The following ESRP1 variants were observed in gnomAD, a reference collection of about 807,000 sequenced individuals.
ESRP1 encodes epithelial splicing regulatory protein 1.
In ESRP1, 33 loss-of-function variants were observed where a neutral mutation model predicts 81.7. The observed-to-expected ratio is 0.40, with a 90% CI of 0.31 to 0.54. ESRP1 has a LOEUF of 0.54. Ranked by LOEUF, ESRP1 falls within the 20% of genes least tolerant of loss-of-function variation. The probability of loss-of-function intolerance (pLI) is 0.41; values close to 1 mark genes in which losing one functional copy is unlikely to be tolerated. For missense variants in ESRP1, 672 were observed against 833.1 expected (o/e 0.81, Z 2.38); for synonymous variants, 320 against 303.3 (o/e 1.06, Z -0.57).
At chr8:94,678,140 T>G in intron 12 of ESRP1, 63 bp from the exon 13 acceptor site, 1 of 1,534,224 alleles carries the variant, frequency 6.5e-7, no homozygotes, top group Non-Finnish European at 8.9e-7. Flanking sequence ...ATGTTTTTAG[T>G]GCTAGCACGT....
At chr8:94,650,945 T>TC in intron 4 of ESRP1, among the ~76,000 whole-genome samples, 1 of 152,286 alleles carries the variant, frequency 6.6e-6, no homozygotes, top group African/African-American at 2.4e-5. Flanking sequence ...GACCTCGTGA[T>TC]CCGCCCGCCT....
At chr8:94,698,133 A>G (rs972148957) in intron 15 of ESRP1, among the ~76,000 whole-genome samples, 2 of 152,216 alleles carry the variant, frequency 1.3e-5, no homozygotes, top group African/African-American at 4.8e-5. Context: ...AAACTTAACA[A>G]TTTTAAAGTG....
intron 2 of ESRP1, 130 bp downstream of exon 2, chr8:94,642,214 G>A (rs1484043076): frequency 1.7e-6 from 2 of 1,178,924 alleles, no homozygotes; most frequent in Admixed American, 2.5e-5. Flanking sequence ...GCGTGGGTGG[G>A]AGCCCAGCCT....
At position 94,706,752 on chromosome 8, in the gene ESRP1, G is replaced by C. The variant is rs546533796; in HGVS notation, c.*863G>C. ...GGACTTTAATAAGAGAAATTCCATA[G>C]TTTTTAATATCCCAGAAGTGAGACA... On this transcript the variant is annotated 3_prime_UTR_variant, in exon 16 of 16. Coordinates refer to ENST00000433389, the MANE Select transcript of ESRP1 (RefSeq NM_017697.4). The C allele has an allele frequency of 5.9e-5, 9 of 152,442 alleles. No individual in the cohort carries two copies. In the East Asian group the frequency reaches 1.7e-3, roughly 29 times the overall value. 9.4% of individuals were successfully genotyped at this position (152,442 alleles called of 1,614,324 possible). A position where few individuals can be genotyped will look rare whatever the true frequency, so the allele number is the denominator to read the frequency against.
At chr8:94,681,092 A>G (rs1272390615) in intron 13 of ESRP1, among the ~76,000 whole-genome samples, 4 of 151,338 alleles carry the variant, frequency 2.6e-5, no homozygotes, top group Non-Finnish European at 4.4e-5. Flanking sequence ...TTGGGAGGCC[A>G]AGGTGGACGG....
intron 4 of ESRP1, among the ~76,000 whole-genome samples, chr8:94,655,539 TG>T (rs952171235): frequency 2.0e-5 from 3 of 152,144 alleles, no homozygotes; most frequent in African/African-American, 7.2e-5. Flanking sequence ...TGACATTTTT[TG>T]TTTCCTTCAA....
chr8:94,641,290 C>A lies in ESRP1; in HGVS notation c.-29C>A, dbSNP rs139236619. 1.6e-5 allele frequency: 26 copies of A among 1,578,236 alleles called. 1 individual carries two copies. The highest frequency in any genetic ancestry group is 5.6e-5 in the South Asian group (5 of 89,746). ...CCACACCACCTTACCGCCTCCCGAC[C>A]CCCCCTCTCCCCCTCCCCACCTATC... is the stretch of plus-strand genomic sequence containing the variant. On this transcript the variant is annotated 5_prime_UTR_variant, in exon 1 of 16. Coordinates refer to ENST00000433389, the MANE Select transcript of ESRP1 (RefSeq NM_017697.4).
At chr8:94,647,109 AAAACCTGGTTTTTGT>A (rs1282086963) in intron 4 of ESRP1, among the ~76,000 whole-genome samples, 1 of 152,230 alleles carries the variant, frequency 6.6e-6, no homozygotes, top group Non-Finnish European at 1.5e-5. Context: ...TTCAGGAATT[AAAACCTGGTTTTTGT>A]GTTACTTCAC....
intron 13 of ESRP1, among the ~76,000 whole-genome samples, chr8:94,683,769 T>G (rs1809021857): frequency 6.6e-6 from 1 of 152,172 alleles, no homozygotes; most frequent in African/African-American, 2.4e-5. Context: ...TATCAGGTTT[T>G]TTAGTTTGGA....
intron 9 of ESRP1, 149 bp from the exon 10 acceptor site, chr8:94,667,800 T>G: frequency 1.8e-6 from 1 of 553,956 alleles, no homozygotes; most frequent in Non-Finnish European, 3.0e-6. Context: ...TAGAAAATTC[T>G]GATTTCTAGG....
chr8:94,705,642 C>A (rs1810039752), intron 15 of ESRP1: 1 of 309,192 alleles, frequency 3.2e-6, no homozygotes, highest in Admixed American at 4.7e-5. Context: ...GAGTCGGAAA[C>A]CATACATGTT....
intron 13 of ESRP1, among the ~76,000 whole-genome samples, chr8:94,681,207 T>C (rs1445791561): frequency 6.6e-6 from 1 of 151,146 alleles, no homozygotes; most frequent in African/African-American, 2.4e-5. Context: ...GTGCCTATAG[T>C]CCCAGCTACT....
chr8:94,657,272 G>A (rs1818472446), intron 4 of ESRP1, among the ~76,000 whole-genome samples: 1 of 152,206 alleles, frequency 6.6e-6, no homozygotes, highest in Non-Finnish European at 1.5e-5. Flanking sequence ...TAAGTTGCAT[G>A]AGGAGCTATA....
chr8:94,642,444 G>T (rs542338892), intron 2 of ESRP1, among the ~76,000 whole-genome samples: 1 of 152,388 alleles, frequency 6.6e-6, no homozygotes, highest in East Asian at 1.9e-4. Flanking sequence ...CCCCTGCGGG[G>T]TTTGGGCCCA....
At chr8:94,656,472 T>C (rs559953810) in intron 4 of ESRP1, among the ~76,000 whole-genome samples, 2 of 151,850 alleles carry the variant, frequency 1.3e-5, no homozygotes, top group East Asian at 1.9e-4. Context: ...CCGCCCACCT[T>C]GGCCTCTCAA....
At chr8:94,641,702 G>A (rs1196685029) in intron 1 of ESRP1, 2 of 735,454 alleles carry the variant, frequency 2.7e-6, no homozygotes, top group Admixed American at 6.3e-5. Context: ...TTTGCCCGTC[G>A]GGGGACGCTC....
intron 6 of ESRP1, 25 bp downstream of exon 6, chr8:94,662,580 T>A (rs1818802626): frequency 6.4e-7 from 1 of 1,551,820 alleles, no homozygotes; most frequent in East Asian, 2.3e-5. Context: ...ACTATTTATT[T>A]GAGCTTTTTA....
intron 3 of ESRP1, among the ~76,000 whole-genome samples, chr8:94,644,894 G>A (rs1309455581): frequency 6.6e-6 from 1 of 152,134 alleles, no homozygotes; most frequent in Non-Finnish European, 1.5e-5. Context: ...GAATGTATTT[G>A]GATATATTCT....
chr8:94,695,652 C>T (rs897499846), intron 14 of ESRP1, among the ~76,000 whole-genome samples: 28 of 146,666 alleles, frequency 1.9e-4, no homozygotes, highest in Admixed American at 4.0e-4. Flanking sequence ...CATGAGCCAC[C>T]GCAGCTAGCC....
Sources: allele counts gnomAD v4.1 joint callset (sites outside exome capture counted in the v4.1 genomes callset), GRCh38; gene constraint gnomAD v4.1.1; transcripts MANE v1.5; gene names NCBI Gene and HGNC (gene_info 2026-07-23, HGNC 2026-07-21).